ADAMTS10: variants seen among roughly 807,000 people sequenced by gnomAD.
ADAMTS10 encodes A disintegrin and metalloproteinase with thrombospondin motifs 10.
Under a neutral mutation model 135.9 loss-of-function variants are expected in ADAMTS10, and 48 were observed. That is an observed-to-expected ratio of 0.35 (90% CI 0.28 to 0.45). The LOEUF is 0.45. ADAMTS10 is among the 20% of genes least tolerant of loss of function. The probability of loss-of-function intolerance (pLI) is 1.00; values close to 1 mark genes in which losing one functional copy is unlikely to be tolerated. For synonymous variants in ADAMTS10, 621 were observed against 647.5 expected (o/e 0.96, Z 0.62); for missense variants, 1,131 against 1,565.2 (o/e 0.72, Z 4.68).
chr19:8,605,813 G>A lies in ADAMTS10; in HGVS notation c.-99-4C>T. The stretch of plus-strand genomic sequence containing the variant: ...CCTTCGCAGCATCACCGGGCTCCTG[G>A]GAGGGGGGAGCCAGGTAAGGGGGCG... On this transcript the variant is annotated splice_region_variant and splice_polypyrimidine_tract_variant and intron_variant, in intron 2 of 25. Coordinates refer to ENST00000597188, the MANE Select transcript of ADAMTS10 (RefSeq NM_030957.4). The surrounding 1 kb of genome is among the most constrained non-coding windows in gnomAD (Gnocchi z 7.7). 1 of 1,513,092 alleles carries A rather than the reference G, an allele frequency of 6.6e-7. No homozygotes were observed. The highest frequency in any genetic ancestry group is 8.8e-7 in the Non-Finnish European group (1 of 1,133,060). The allele number at this position is 1,513,092 out of a possible 1,614,324, so 93.7% of individuals were successfully genotyped here.
At chr19:8,581,130 C>CTTTCTTTTTTTTTT (rs2042341800) in intron 25 of ADAMTS10, 128 bp from the exon 26 acceptor site, 1 of 136,668 alleles carries the variant, frequency 7.3e-6, no homozygotes, top group Non-Finnish European at 1.2e-5. Context: ...TTTAAATTTA[C>CTTTCTTTTTTTTTT]TTTTTTTTTT....
At chr19:8,595,728 C>A in intron 12 of ADAMTS10, 34 bp downstream of exon 12, 1 of 1,607,816 alleles carries the variant, frequency 6.2e-7, no homozygotes, top group Non-Finnish European at 8.5e-7. Flanking sequence ...GCCCCCTCCC[C>A]TCCCAGGAAG....
intron 4 of ADAMTS10, 101 bp downstream of exon 4, chr19:8,604,910 AC>A (rs1212680555): frequency 1.5e-6 from 2 of 1,308,882 alleles, no homozygotes; most frequent in Non-Finnish European, 2.1e-6. Flanking sequence ...CACTTAAAAA[AC>A]ATCCCACTAT....
intron 1 of ADAMTS10, among the ~76,000 whole-genome samples, chr19:8,608,809 TG>T (rs2042749365): frequency 6.6e-6 from 1 of 151,240 alleles, no homozygotes; most frequent in African/African-American, 2.4e-5. Flanking sequence ...TGGGCTCAGG[TG>T]GGGTGTGAGG....
At chr19:8,604,029 G>GC in intron 4 of ADAMTS10, 145 bp from the exon 5 acceptor site, 1 of 762,832 alleles carries the variant, frequency 1.3e-6, no homozygotes, top group Non-Finnish European at 2.0e-6. Flanking sequence ...TAGGTAATTA[G>GC]TGTCCATGCT....
chr19:8,594,980 G>A (rs1268269121), intron 12 of ADAMTS10, among the ~76,000 whole-genome samples: 1 of 152,188 alleles, frequency 6.6e-6, no homozygotes, highest in East Asian at 1.9e-4. Flanking sequence ...CAATTTGGCA[G>A]CTGCTTGCCC....
At chr19:8,598,314 G>A (rs1200617826) in intron 6 of ADAMTS10, among the ~76,000 whole-genome samples, 1 of 151,350 alleles carries the variant, frequency 6.6e-6, no homozygotes, top group Non-Finnish European at 1.5e-5. Flanking sequence ...CCCCCTGACT[G>A]CCTCAAGCAT....
chr19:8,592,958 C>T, intron 12 of ADAMTS10, 88 bp from the exon 13 acceptor site: 1 of 1,239,812 alleles, frequency 8.1e-7, no homozygotes, highest in Non-Finnish European at 1.1e-6. Flanking sequence ...AGATGTCCGG[C>T]TCACTGCCGG....
intron 15 of ADAMTS10, 122 bp from the exon 16 acceptor site, chr19:8,590,113 G>A (rs1285426491): frequency 1.4e-5 from 10 of 731,298 alleles, no homozygotes; most frequent in African/African-American, 1.0e-4. Context: ...CAGGGAGGAG[G>A]CTGTGGTGGT....
At chr19:8,604,019 T>C in intron 4 of ADAMTS10, 135 bp from the exon 5 acceptor site, 1 of 827,634 alleles carries the variant, frequency 1.2e-6, no homozygotes, top group Admixed American at 3.4e-5. Flanking sequence ...TTTTTTGGCA[T>C]AGGTAATTAG....
rs566610738 is a variant in ADAMTS10, at chr19:8,596,090, G to A, written c.1320C>T (p.Tyr440=). The part of the protein sequence containing the change: ...PFVWSSCSRD[Y]ITSFLDSGLG... ...ATCCTCACTCTAGAAAGCTGGTGAT[G>A]TAGTCACGGCTGCAGGATGACCACA... Residue 440 remains tyrosine, a synonymous_variant, in exon 11 of 26, where the codon TAC becomes TAT. Coordinates refer to ENST00000597188, the MANE Select transcript of ADAMTS10 (RefSeq NM_030957.4). The surrounding 1 kb of genome is among the most constrained non-coding windows in gnomAD (Gnocchi z 7.2). The A allele has an allele frequency of 1.2e-6, 2 of 1,614,224 alleles. No homozygotes were observed. The highest frequency in any genetic ancestry group is 1.7e-6 in the Non-Finnish European group (2 of 1,180,040).
intron 13 of ADAMTS10, 102 bp from the exon 14 acceptor site, chr19:8,592,205 C>G (rs2042542716): frequency 8.4e-7 from 1 of 1,193,612 alleles, no homozygotes; most frequent in African/African-American, 3.2e-5. Flanking sequence ...ATATCAGCCT[C>G]TCCGGGATGG....
In ADAMTS10 at chr19:8,596,208, T is replaced by C. The variant is rs2042602245; in HGVS notation, c.1202A>G (p.Asn401Ser). ...ACAGCTGTTTCCCACGCCGTCATGGTTCATGCCGAATCTGGGGAAAGGGGT... is the reference window on the plus strand; with the variant it reads ...ACAGCTGTTTCCCACGCCGTCATGGCTCATGCCGAATCTGGGGAAAGGGGT... ...AHEIGHTFGM[N>S]HDGVGNSCGA... Residue 401 changes from asparagine (N) to serine (S), a missense_variant, in exon 11 of 26, where the codon AAC (asparagine) becomes AGC (serine). Physicochemically the swap from Asn to Ser is conservative, Grantham distance 46 (BLOSUM62 1). Coordinates refer to ENST00000597188, the MANE Select transcript of ADAMTS10 (RefSeq NM_030957.4). This position sits in a 1 kb window ranked among gnomAD's most constrained non-coding sequence, Gnocchi z 7.2. 1 of 1,613,822 alleles carries C rather than the reference T, an allele frequency of 6.2e-7. No individual in the cohort carries two copies. The highest frequency in any genetic ancestry group is 8.5e-7 in the Non-Finnish European group (1 of 1,180,026).
intron 25 of ADAMTS10, chr19:8,582,398 G>A (rs1568389840): frequency 6.6e-6 from 1 of 152,272 alleles, no homozygotes; most frequent in Admixed American, 6.5e-5. Context: ...AACCTGGGAG[G>A]TGGAGCTTGC....
intron 25 of ADAMTS10, 127 bp from the exon 26 acceptor site, chr19:8,581,129 ACTTTTTTTT>A: frequency 3.2e-5 from 4 of 126,890 alleles, no homozygotes; most frequent in East Asian, 1.2e-4. Flanking sequence ...TTTTAAATTT[ACTTTTTTTT>A]TTTTTTTTTT....
chr19:8,581,108 G>T, intron 25 of ADAMTS10, 106 bp from the exon 26 acceptor site: 19 of 377,050 alleles, frequency 5.0e-5, no homozygotes, highest in South Asian at 2.0e-4. Context: ...TCTGTGCCTT[G>T]GTTTCTTTCT....
chr19:8,589,978 C>T lies in ADAMTS10; in HGVS notation c.1811G>A (p.Gly604Asp). Residue 604 changes from glycine to aspartate, a missense_variant, in exon 16 of 26, where the codon GGC becomes GAC. Physicochemically the swap from Gly to Asp is moderately conservative, Grantham distance 94. Coordinates refer to ENST00000597188, the MANE Select transcript of ADAMTS10 (RefSeq NM_030957.4). ...CTGCACTTCTCTGAAGTCCTGGGAG[C>T]CAGGGGGACAGTCCTGGGGGCAGGA... ...RSCNTDDCPP[G>D]SQDFREVQCS... 1 of 1,613,620 alleles carries T rather than the reference C, an allele frequency of 6.2e-7. No homozygotes were observed.
intron 6 of ADAMTS10, among the ~76,000 whole-genome samples, chr19:8,599,113 T>C (rs2042636180): frequency 6.6e-6 from 1 of 152,096 alleles, no homozygotes; most frequent in Non-Finnish European, 1.5e-5. Flanking sequence ...GCTACCATTA[T>C]ATCTCCATTT....
Position 8,605,061 on chromosome 19 carries a change from T to G in ADAMTS10, c.386A>C (p.Gln129Pro). 6.2e-7 allele frequency: 1 copy of G among 1,611,720 alleles called. No individual in the cohort carries two copies. Among genetic ancestry groups the G allele is most frequent in the African/African-American group, 1.3e-5 (1 of 74,998 alleles). ...CACATGGGAGCTGCTGGCCTGGCCC[T>G]GCAGGTGACCAGCGTAGAGGCAGTG... ...RPHCLYAGHL[Q>P]GQASSSHVAI... is the part of the protein sequence containing the mutation. The change falls in exon 4 of 26, where the codon CAG (glutamine) becomes CCG (proline). Residue 129 changes from glutamine to proline, a missense_variant. By Grantham distance (76) the Gln-to-Pro change is moderately conservative. This residue lies in a region of ADAMTS10 where 306 missense variants were observed against 344.4 expected (regional missense o/e 0.89). Transcript: ENST00000597188. This position sits in a 1 kb window ranked among gnomAD's most constrained non-coding sequence, Gnocchi z 7.7.
Sources: allele counts gnomAD v4.1 joint callset (sites outside exome capture counted in the v4.1 genomes callset), GRCh38; gene constraint gnomAD v4.1.1; regional missense constraint gnomAD v4.1.1; non-coding constraint Gnocchi (gnomAD v3.1); transcripts MANE v1.5; gene names NCBI Gene and HGNC (gene_info 2026-07-23, HGNC 2026-07-21).